GASK1B: variants seen among roughly 807,000 people sequenced by gnomAD.
The protein encoded by GASK1B is Golgi-associated kinase 1B.
In GASK1B, 34 loss-of-function variants were observed where a neutral mutation model predicts 42.8. The ratio of observed to expected loss-of-function variants is 0.79; its 90% CI spans 0.60 to 1.06. The LOEUF is 1.06. Among genes scored for constraint, GASK1B ranks in the 50% least tolerant of loss-of-function variants. The pLI is 0.00. For synonymous variants in GASK1B, 262 were observed against 259.1 expected, an observed-to-expected ratio of 1.01 and a Z score of -0.11; for missense variants, 686 against 661.0, an observed-to-expected ratio of 1.04 and a Z score of -0.42.
chr4:158,132,084 G>A (rs972809186), intron 3 of GASK1B, among the ~76,000 whole-genome samples: 1 of 152,192 alleles, frequency 6.6e-6, no homozygotes. Flanking sequence ...TTCAGCCTCA[G>A]AGACATTAAG....
At chr4:158,150,000 CT>C (rs1206530902) in intron 3 of GASK1B, among the ~76,000 whole-genome samples, 1 of 134,412 alleles carries the variant, frequency 7.4e-6, no homozygotes, top group Non-Finnish European at 1.5e-5. Context: ...TCTCGGCTCA[CT>C]GCAAGCTCCG....
At chr4:158,134,336 C>A (rs903903680) in intron 3 of GASK1B, among the ~76,000 whole-genome samples, 2 of 152,274 alleles carry the variant, frequency 1.3e-5, no homozygotes, top group Middle Eastern at 6.8e-3. Flanking sequence ...TTGTTTAGTG[C>A]ACACTTAAAA....
At chr4:158,161,694 G>A (rs998645740) in intron 2 of GASK1B, among the ~76,000 whole-genome samples, 9 of 152,144 alleles carry the variant, frequency 5.9e-5, no homozygotes, top group Non-Finnish European at 2.9e-5. Flanking sequence ...GACTTCAGAG[G>A]GTGGTGATGA....
intron 3 of GASK1B, among the ~76,000 whole-genome samples, chr4:158,133,648 C>G (rs1414919402): frequency 6.6e-6 from 1 of 152,150 alleles, no homozygotes; most frequent in Non-Finnish European, 1.5e-5. Context: ...TGATTTAGGT[C>G]ATCTTTTTAT....
Position 158,127,398 on chromosome 4 carries a change from A to ATTCT in GASK1B, c.*5_*8dup. 6.2e-7 allele frequency: 1 copy of ATTCT among 1,609,344 alleles called. No homozygotes were observed. The highest frequency in any genetic ancestry group is 8.5e-7 in the Non-Finnish European group (1 of 1,177,312). On this transcript the variant is annotated 3_prime_UTR_variant, in exon 5 of 5. Transcript: ENST00000585682. ...ATATATCTAACACCCTAGCCAGAAGATTCTTTTGTCATTCATTCATAGGTA... is the reference window on the plus strand; with the variant it reads ...ATATATCTAACACCCTAGCCAGAAGATTCTTTCTTTTGTCATTCATTCATAGGTA...
intron 4 of GASK1B, 27 bp from the exon 5 acceptor site, chr4:158,127,641 C>T (rs924673106): frequency 6.3e-7 from 1 of 1,594,530 alleles, no homozygotes; most frequent in African/African-American, 1.4e-5. Context: ...ATATTTCAAT[C>T]TTAGTAATTG....
At chr4:158,134,405 GT>G (rs1248391228) in intron 3 of GASK1B, among the ~76,000 whole-genome samples, 1 of 152,092 alleles carries the variant, frequency 6.6e-6, no homozygotes, top group Non-Finnish European at 1.5e-5. Context: ...GTCTGCGTAG[GT>G]AACTATCCTA....
intron 2 of GASK1B, among the ~76,000 whole-genome samples, chr4:158,166,292 C>G (rs979009449): frequency 4.6e-5 from 7 of 152,230 alleles, no homozygotes; most frequent in African/African-American, 1.7e-4. Flanking sequence ...CATCAAGTCA[C>G]ACAATCAAGA....
chr4:158,135,585 A>T (rs978897704), intron 3 of GASK1B, among the ~76,000 whole-genome samples: 5 of 151,854 alleles, frequency 3.3e-5, no homozygotes, highest in African/African-American at 9.7e-5. Context: ...AAGGCCTCTC[A>T]ACTCTTAAAT....
chr4:158,171,181 C>T lies in GASK1B; in HGVS notation c.195G>A (p.Ala65=), dbSNP rs747288777. The change falls in exon 2 of 5, where the codon GCG becomes GCA. Residue 65 remains alanine (A), a synonymous_variant. Transcript: ENST00000585682. ...VGRASLQHGQ[A]AEKGPHRSRD... ...GGCTGCGATGTGGCCCCTTCTCAGC[C>T]GCCTGTCCATGCTGGAGAGAGGCCC... 1.9e-6 allele frequency: 3 copies of T among 1,612,334 alleles called. No individual in the cohort carries two copies. The highest frequency in any genetic ancestry group is 1.7e-5 in the Admixed American group (1 of 59,898).
rs1730451391 is a variant in GASK1B, at chr4:158,126,288, G to A, written c.*1119C>T. On this transcript the variant is annotated 3_prime_UTR_variant, in exon 5 of 5. Coordinates refer to ENST00000585682, the MANE Select transcript of GASK1B (RefSeq NM_001128424.2). ...TCTGATTTAAAAAGTGTTAGAAGGA[G>A]TTTGGAGATGATTATTTGAGGCTTA... is the stretch of plus-strand genomic sequence containing the variant. 6.6e-6 allele frequency: 1 copy of A among 152,130 alleles called. No homozygotes were observed. Among genetic ancestry groups the A allele is most frequent in the African/African-American group, 2.4e-5 (1 of 41,446 alleles). 9.4% of individuals were successfully genotyped at this position (152,130 alleles called of 1,614,324 possible).
chr4:158,160,106 C>G (rs1731914043), intron 2 of GASK1B, among the ~76,000 whole-genome samples: 1 of 152,112 alleles, frequency 6.6e-6, no homozygotes, highest in South Asian at 2.1e-4. Flanking sequence ...CAGCTCCAGT[C>G]CTTCATTAAA....
chr4:158,146,633 G>C (rs1346797001), intron 3 of GASK1B, among the ~76,000 whole-genome samples: 1 of 152,200 alleles, frequency 6.6e-6, no homozygotes, highest in Non-Finnish European at 1.5e-5. Flanking sequence ...GGTTAAATCA[G>C]TAGTAGCAGA....
Position 158,127,113 on chromosome 4 carries a change from A to C in GASK1B, c.*294T>G. 1 of 226,886 alleles carries C rather than the reference A, an allele frequency of 4.4e-6. No individual in the cohort carries two copies. The highest frequency in any genetic ancestry group is 9.5e-5 in the South Asian group (1 of 10,498). 14.1% of individuals were successfully genotyped at this position (226,886 alleles called of 1,614,324 possible). On this transcript the variant is annotated 3_prime_UTR_variant, in exon 5 of 5. Coordinates refer to ENST00000585682, the MANE Select transcript of GASK1B (RefSeq NM_001128424.2). ...TAAACAGCATGACAAATGTTTTCAA[A>C]ACTTAGCTAGAATAATAACTGAAAT...
At chr4:158,153,237 A>G (rs529751296) in intron 3 of GASK1B, among the ~76,000 whole-genome samples, 10 of 152,230 alleles carry the variant, frequency 6.6e-5, no homozygotes, top group African/African-American at 2.4e-4. Context: ...CAAGAACTTA[A>G]CCCCTTTTAC....
At chr4:158,141,033 C>T (rs1293621937) in intron 3 of GASK1B, among the ~76,000 whole-genome samples, 1 of 152,098 alleles carries the variant, frequency 6.6e-6, no homozygotes, top group African/African-American at 2.4e-5. Context: ...CAGACATTTC[C>T]TTCTTTAATT....
chr4:158,157,971 A>G (rs1414085739), intron 2 of GASK1B, among the ~76,000 whole-genome samples: 1 of 152,132 alleles, frequency 6.6e-6, no homozygotes, highest in Non-Finnish European at 1.5e-5. Flanking sequence ...TTGTATATTT[A>G]CTTCCAGTTA....
rs1458278338 is a variant in GASK1B at position 158,126,038 on chromosome 4, A to G, written c.*1369T>C. 1 of 152,134 alleles carries G rather than the reference A, an allele frequency of 6.6e-6. No individual in the cohort carries two copies. Among genetic ancestry groups the G allele is most frequent in the African/African-American group, 2.4e-5 (1 of 41,450 alleles). The allele number at this position is 152,134 out of a possible 1,614,324, so 9.4% of individuals were successfully genotyped here. On this transcript the variant is annotated 3_prime_UTR_variant, in exon 5 of 5. Coordinates refer to ENST00000585682, the MANE Select transcript of GASK1B (RefSeq NM_001128424.2). ...ACGTAACCGTGAAAAGACAGGAGAGAATGTATTATAAACATTCTCAAATTG... is the reference window on the plus strand; with the variant it reads ...ACGTAACCGTGAAAAGACAGGAGAGGATGTATTATAAACATTCTCAAATTG...
At chr4:158,143,471 G>T (rs999081585) in intron 3 of GASK1B, among the ~76,000 whole-genome samples, 2 of 152,102 alleles carry the variant, frequency 1.3e-5, no homozygotes, top group Non-Finnish European at 2.9e-5. Flanking sequence ...TTGGCAGTTG[G>T]GGAAGACCAA....
Sources: allele counts gnomAD v4.1 joint callset (sites outside exome capture counted in the v4.1 genomes callset), GRCh38; gene constraint gnomAD v4.1.1; transcripts MANE v1.5; gene names NCBI Gene and HGNC (gene_info 2026-07-23, HGNC 2026-07-21).